The following PRELID2 variants were observed in gnomAD, a reference collection of about 807,000 sequenced individuals.
The protein encoded by PRELID2 is PRELI domain containing 2.
In PRELID2, 25 loss-of-function variants were observed where a neutral mutation model predicts 28.4. That is an observed-to-expected ratio of 0.88 (90% CI 0.64 to 1.23). The LOEUF (loss-of-function observed/expected upper bound fraction) is 1.23, where lower values mean the gene tolerates loss of function less well. PRELID2 is among the 50% of genes most tolerant of loss of function. The pLI, the probability that PRELID2 is intolerant of heterozygous loss-of-function variation, is 0.00. For missense variants in PRELID2, 201 were observed against 214.4 expected (o/e 0.94, Z 0.39); for synonymous variants, 76 against 71.6 (o/e 1.06, Z -0.31).
At chr5:145,383,036 T>C in the PRELID2 span, among the ~76,000 whole-genome samples, 1 of 151,884 alleles carries the variant, frequency 6.6e-6, no homozygotes, top group East Asian at 1.9e-4. Context: ...CTCAACATTG[T>C]TAAGATATCA....
intron 4 of PRELID2, among the ~76,000 whole-genome samples, chr5:145,803,351 A>G (rs1365517507): frequency 6.6e-6 from 1 of 152,156 alleles, no homozygotes; most frequent in East Asian, 1.9e-4. Context: ...CTCTCAATAC[A>G]TGCTATGTAG....
At chr5:145,704,669 C>A (rs1755496292) in intron 1 of PRELID2, among the ~76,000 whole-genome samples, 1 of 152,192 alleles carries the variant, frequency 6.6e-6, no homozygotes, top group Non-Finnish European at 1.5e-5. Context: ...TAGTTTTCCG[C>A]AGGAGCCATT....
At chr5:145,541,097 G>T (rs1446030756) in intron 1 of PRELID2, among the ~76,000 whole-genome samples, 1 of 151,948 alleles carries the variant, frequency 6.6e-6, no homozygotes, top group Admixed American at 6.6e-5. Flanking sequence ...AGGATTCTTT[G>T]TACTATTCTC....
chr5:145,563,406 A>G (rs1752940377), intron 1 of PRELID2, among the ~76,000 whole-genome samples: 1 of 152,166 alleles, frequency 6.6e-6, no homozygotes, highest in African/African-American at 2.4e-5. Context: ...GTTCGGATAG[A>G]TGAATGAATA....
the PRELID2 span, among the ~76,000 whole-genome samples, chr5:145,419,817 C>G: frequency 6.6e-6 from 1 of 151,864 alleles, no homozygotes; most frequent in Admixed American, 6.6e-5. Context: ...TGCCTATGTC[C>G]TGAATGGTAA....
intron 5 of PRELID2, among the ~76,000 whole-genome samples, chr5:145,790,530 A>G (rs993271078): frequency 1.1e-4 from 17 of 152,032 alleles, no homozygotes; most frequent in African/African-American, 3.9e-4. Flanking sequence ...TTTCGGTTAG[A>G]CAGGAGGAAT....
the PRELID2 span, among the ~76,000 whole-genome samples, chr5:145,291,598 A>T: frequency 6.6e-6 from 1 of 152,118 alleles, no homozygotes; most frequent in Non-Finnish European, 1.5e-5. Context: ...ATGCTTCGTT[A>T]TGGCAGCCCT....
At chr5:145,381,879 A>T in the PRELID2 span, among the ~76,000 whole-genome samples, 1 of 152,118 alleles carries the variant, frequency 6.6e-6, no homozygotes, top group Non-Finnish European at 1.5e-5. Flanking sequence ...TATAAGACAC[A>T]TATTTAAAAC....
intron 1 of PRELID2, among the ~76,000 whole-genome samples, chr5:145,608,409 C>T (rs971603839): frequency 6.6e-6 from 1 of 152,130 alleles, no homozygotes; most frequent in African/African-American, 2.4e-5. Context: ...TTAGCACTCC[C>T]TTAAGGATCT....
Position 145,757,080 on chromosome 5 carries a change from A to T in PRELID2, c.*3456T>A, listed in dbSNP as rs1315471973. ...CTAAATTAAGAAATAGTTTGATGTA[A>T]ATGATTGAAATAAAGTAAAAAAGAT... On this transcript the variant is annotated 3_prime_UTR_variant, in exon 7 of 7. Transcript: ENST00000683046. 6.6e-6 allele frequency among the ~76,000 whole-genome samples: 1 copy of T among 152,202 alleles called. No homozygotes were observed. Among genetic ancestry groups the T allele is most frequent in the African/African-American group, 2.4e-5 (1 of 41,458 alleles).
chr5:145,409,522 G>A, the PRELID2 span, among the ~76,000 whole-genome samples: 1 of 151,868 alleles, frequency 6.6e-6, no homozygotes, highest in East Asian at 1.9e-4. Context: ...GCAAAGGGGT[G>A]GAAAAAGATA....
At chr5:145,694,166 C>A (rs111719466) in intron 1 of PRELID2, among the ~76,000 whole-genome samples, 1 of 151,894 alleles carries the variant, frequency 6.6e-6, no homozygotes, top group African/African-American at 2.4e-5. Flanking sequence ...ACTTAGTACC[C>A]GAAACATAGT....
intron 1 of PRELID2, among the ~76,000 whole-genome samples, chr5:145,491,302 GGA>G (rs1752266594): frequency 2.0e-5 from 3 of 152,102 alleles, no homozygotes; most frequent in Non-Finnish European, 4.4e-5. Flanking sequence ...CTCACATGGT[GGA>G]AGGGCCAAGG....
intron 1 of PRELID2, among the ~76,000 whole-genome samples, chr5:145,828,257 A>T (rs575674507): frequency 6.6e-6 from 1 of 152,332 alleles, no homozygotes; most frequent in East Asian, 1.9e-4. Flanking sequence ...ATTTAATTAC[A>T]GTATAATACC....
chr5:145,253,029 CAGAA>C, the PRELID2 span, among the ~76,000 whole-genome samples: 5 of 152,066 alleles, frequency 3.3e-5, no homozygotes, highest in Non-Finnish European at 7.4e-5. Flanking sequence ...TAGGAAGCAA[CAGAA>C]AGAGAGAAAA....
the PRELID2 span, among the ~76,000 whole-genome samples, chr5:145,245,588 G>A: frequency 6.6e-5 from 10 of 152,066 alleles, no homozygotes; most frequent in African/African-American, 2.4e-4. Context: ...GAAAAAGAAT[G>A]AATGACAAGG....
chr5:145,655,736 T>A (rs1402646851), intron 1 of PRELID2, among the ~76,000 whole-genome samples: 1 of 152,174 alleles, frequency 6.6e-6, no homozygotes, highest in Non-Finnish European at 1.5e-5. Flanking sequence ...TCACACCTTA[T>A]ACAAAAATTA....
chr5:145,734,490 T>C (rs2149729623), intron 1 of PRELID2, among the ~76,000 whole-genome samples: 1 of 152,328 alleles, frequency 6.6e-6, no homozygotes, highest in African/African-American at 2.4e-5. Context: ...ATGCAAATTA[T>C]CCTTGGGAAA....
chr5:145,707,229 T>C (rs117697484), intron 1 of PRELID2, among the ~76,000 whole-genome samples: 1 of 152,148 alleles, frequency 6.6e-6, no homozygotes, highest in Non-Finnish European at 1.5e-5. Context: ...CCAGGACCCA[T>C]AGCAAGCAAG....
Sources: allele counts gnomAD v4.1 joint callset (sites outside exome capture counted in the v4.1 genomes callset), GRCh38; gene constraint gnomAD v4.1.1; transcripts MANE v1.5; gene names NCBI Gene and HGNC (gene_info 2026-07-23, HGNC 2026-07-21).